Variants in PI15 observed in about 807,000 individuals in gnomAD.
The protein encoded by PI15 is 25 kDa trypsin inhibitor.
A neutral mutation model predicts 31.0 loss-of-function variants in PI15; 18 were observed. That is an observed-to-expected ratio of 0.58 (90% CI 0.40 to 0.86). The LOEUF (loss-of-function observed/expected upper bound fraction) is 0.86, where lower values mean the gene tolerates loss of function less well. PI15 is among the 40% of genes least tolerant of loss of function. The pLI, the probability that PI15 is intolerant of heterozygous loss-of-function variation, is 0.00. For missense variants in PI15, 282 were observed against 328.1 expected (o/e 0.86, Z 1.09); for synonymous variants, 118 against 119.1 (o/e 0.99, Z 0.06).
chr8:74,837,480 T>C (rs1308616013), intron 2 of PI15, among the ~76,000 whole-genome samples: 3 of 152,168 alleles, frequency 2.0e-5, no homozygotes, highest in Non-Finnish European at 4.4e-5. Context: ...AGCATTTCTA[T>C]CTAATAAGGA....
rs1418524642 is a variant in PI15 at position 74,850,911 on chromosome 8, C to T, written c.*1658C>T. The T allele has an allele frequency of 6.6e-6, 1 of 152,364 alleles. No homozygotes were observed. The highest frequency in any genetic ancestry group is 1.5e-5 in the Non-Finnish European group (1 of 68,004). The allele number at this position is 152,364 out of a possible 1,614,324, so 9.4% of individuals were successfully genotyped here. On this transcript the variant is annotated 3_prime_UTR_variant, in exon 6 of 6. Transcript: ENST00000260113. ...TAGAACAATTAAATATGGTTAGTTCCAGAGTGCAAATTACAGAAGGAAGCT... is the reference window on the plus strand; with the variant it reads ...TAGAACAATTAAATATGGTTAGTTCTAGAGTGCAAATTACAGAAGGAAGCT...
At chr8:74,829,404 G>GT (rs1337056405) in intron 2 of PI15, among the ~76,000 whole-genome samples, 4 of 152,026 alleles carry the variant, frequency 2.6e-5, no homozygotes, top group African/African-American at 4.8e-5. Context: ...CACACCAGCT[G>GT]TTTTTTATTC....
chr8:74,829,201 T>C (rs1407088814), intron 2 of PI15, among the ~76,000 whole-genome samples: 1 of 152,120 alleles, frequency 6.6e-6, no homozygotes, highest in African/African-American at 2.4e-5. Context: ...AGCATTAATT[T>C]TGATATTATA....
chr8:74,848,411 T>C (rs1427980718), intron 5 of PI15, among the ~76,000 whole-genome samples: 1 of 152,098 alleles, frequency 6.6e-6, no homozygotes, highest in East Asian at 1.9e-4. Context: ...ATAACTTATA[T>C]TTTGTGTATA....
At chr8:74,845,583 G>A in intron 5 of PI15, 86 bp downstream of exon 5, 1 of 819,634 alleles carries the variant, frequency 1.2e-6, no homozygotes, top group Non-Finnish European at 2.1e-6. Flanking sequence ...ACAGGTAAGT[G>A]AGTAAGGCTT....
At chr8:74,825,112 T>A in intron 1 of PI15, 98 bp from the exon 2 acceptor site, 1 of 741,954 alleles carries the variant, frequency 1.3e-6, no homozygotes, top group Non-Finnish European at 2.3e-6. Context: ...TTGAAGAAAG[T>A]CAAATCAAGC....
chr8:74,845,547 T>C (rs1811014577), intron 5 of PI15, 50 bp downstream of exon 5: 2 of 1,133,202 alleles, frequency 1.8e-6, no homozygotes, highest in Non-Finnish European at 2.7e-6. Context: ...AGACGTTAAA[T>C]ATCCCTAGGC....
intron 1 of PI15, 31 bp from the exon 2 acceptor site, chr8:74,825,179 T>A: frequency 7.4e-7 from 1 of 1,357,478 alleles, no homozygotes; most frequent in Non-Finnish European, 1.0e-6. Flanking sequence ...TTTTTTTTCA[T>A]AGACCCTAAC....
At chr8:74,831,015 T>C (rs1196465698) in intron 2 of PI15, among the ~76,000 whole-genome samples, 1 of 152,166 alleles carries the variant, frequency 6.6e-6, no homozygotes, top group Non-Finnish European at 1.5e-5. Flanking sequence ...TTTGTAGGAA[T>C]TTTCTTCCAC....
At chr8:74,825,063 G>C in intron 1 of PI15, 147 bp from the exon 2 acceptor site, 1 of 656,834 alleles carries the variant, frequency 1.5e-6, no homozygotes, top group Non-Finnish European at 2.7e-6. Flanking sequence ...TCTACTGTAG[G>C]TTATCTCCTA....
chr8:74,828,640 T>C (rs1355804542), intron 2 of PI15, among the ~76,000 whole-genome samples: 1 of 152,124 alleles, frequency 6.6e-6, no homozygotes, highest in Admixed American at 6.6e-5. Flanking sequence ...CTGTTCTATG[T>C]ACCTCAGAAA....
rs1811081044 is a variant in PI15, at chr8:74,849,815, AAAT to A, written c.*569_*571del. 6.6e-6 allele frequency: 1 copy of A among 152,198 alleles called. No individual in the cohort carries two copies. The highest frequency in any genetic ancestry group is 2.4e-5 in the African/African-American group (1 of 41,466). 9.4% of individuals were successfully genotyped at this position (152,198 alleles called of 1,614,324 possible). ...TAAAATAACACTTAGTGATATCTGG[AAAT>A]AATAATTCAATTAAGCAACCACGAA... On this transcript the variant is annotated 3_prime_UTR_variant, in exon 6 of 6. Coordinates refer to ENST00000260113, the MANE Select transcript of PI15 (RefSeq NM_015886.5).
chr8:74,849,033 C>T (rs1254800778), intron 5 of PI15, 85 bp from the exon 6 acceptor site: 1 of 1,183,538 alleles, frequency 8.4e-7, no homozygotes, highest in Non-Finnish European at 1.2e-6. Context: ...CATGTCAATA[C>T]TTGTGAACAT....
rs2732007 is a variant in PI15 at position 74,849,715 on chromosome 8, A to G, written c.*462A>G. On this transcript the variant is annotated 3_prime_UTR_variant, in exon 6 of 6. Transcript: ENST00000260113. ...TCAACTTGAGGGAAATTTTTAAAAA[A>G]CTATTCTCAATTATATACGAGGTGA... The G allele has an allele frequency of 0.017, 2,535 of 152,416 alleles. 36 individuals are homozygous for G. The highest frequency in any genetic ancestry group is 0.028 in the East Asian group (146 of 5,188). 9.4% of individuals were successfully genotyped at this position (152,416 alleles called of 1,614,324 possible).
intron 5 of PI15, among the ~76,000 whole-genome samples, chr8:74,846,798 G>C (rs1811032952): frequency 6.6e-6 from 1 of 152,050 alleles, no homozygotes; most frequent in South Asian, 2.1e-4. Flanking sequence ...GACGGAGAGA[G>C]AGAAAGAGAG....
intron 2 of PI15, among the ~76,000 whole-genome samples, chr8:74,836,131 C>T (rs982804350): frequency 1.3e-5 from 2 of 152,122 alleles, no homozygotes; most frequent in Non-Finnish European, 1.5e-5. Flanking sequence ...GAACAGCAAC[C>T]AGTAAACTTT....
chr8:74,842,008 T>C (rs1446647974), intron 2 of PI15, among the ~76,000 whole-genome samples: 1 of 143,094 alleles, frequency 7.0e-6, no homozygotes, highest in Non-Finnish European at 1.6e-5. Flanking sequence ...TCTTGAAGAG[T>C]TTATCTTTTT....
intron 2 of PI15, among the ~76,000 whole-genome samples, chr8:74,830,469 C>A (rs1005873905): frequency 5.9e-5 from 9 of 151,924 alleles, no homozygotes; most frequent in African/African-American, 1.9e-4. Flanking sequence ...AGTAAAGTTA[C>A]AGAAAGCATG....
chr8:74,838,459 T>C (rs1810900512), intron 2 of PI15, among the ~76,000 whole-genome samples: 1 of 152,074 alleles, frequency 6.6e-6, no homozygotes, highest in East Asian at 1.9e-4. Context: ...ATGTGCAGGT[T>C]TGTTACCTGG....
Sources: gnomAD v4.1 joint callset for allele counts (sites outside exome capture counted in the v4.1 genomes callset) on GRCh38, gnomAD v4.1.1 for gene constraint, MANE v1.5 for transcripts, NCBI Gene and HGNC (gene_info 2026-07-23, HGNC 2026-07-21) for gene names.